CNTN4: variants seen among roughly 807,000 people sequenced by gnomAD.
The protein encoded by CNTN4 is contactin-4.
In CNTN4, 77 loss-of-function variants were observed where a neutral mutation model predicts 122.5. The ratio of observed to expected loss-of-function variants is 0.63; its 90% CI spans 0.52 to 0.76. CNTN4 has a LOEUF of 0.76. Ranked by LOEUF, CNTN4 falls within the 30% of genes least tolerant of loss-of-function variation. The probability of loss-of-function intolerance (pLI) is 0.00; values close to 1 mark genes in which losing one functional copy is unlikely to be tolerated. For synonymous variants in CNTN4, 512 were observed against 447.0 expected (o/e 1.15, Z -1.83); for missense variants, 1,256 against 1,259.1 (o/e 1.00, Z 0.04).
intron 2 of CNTN4, among the ~76,000 whole-genome samples, chr3:2,253,931 G>A (rs1429857557): frequency 3.3e-5 from 5 of 151,950 alleles, no homozygotes; most frequent in Non-Finnish European, 7.4e-5. Flanking sequence ...GGATACATGT[G>A]CAGAACATGC....
At chr3:2,519,329 T>A (rs1459766467) in intron 3 of CNTN4, among the ~76,000 whole-genome samples, 1 of 152,084 alleles carries the variant, frequency 6.6e-6, no homozygotes, top group Non-Finnish European at 1.5e-5. Flanking sequence ...ACAAGGAAAA[T>A]GGTGACATTC....
chr3:3,004,989 T>C (rs1399545765), intron 14 of CNTN4, among the ~76,000 whole-genome samples: 1 of 152,240 alleles, frequency 6.6e-6, no homozygotes, highest in Non-Finnish European at 1.5e-5. Context: ...GCCCTGATGA[T>C]CTCTGAATCA....
chr3:2,263,238 T>G (rs1252820908), intron 2 of CNTN4, among the ~76,000 whole-genome samples: 1 of 152,156 alleles, frequency 6.6e-6, no homozygotes, highest in Non-Finnish European at 1.5e-5. Context: ...GTGAACTACA[T>G]GTGGGCAAGG....
chr3:2,975,416 T>C (rs1693329291), intron 13 of CNTN4, among the ~76,000 whole-genome samples: 1 of 152,200 alleles, frequency 6.6e-6, no homozygotes. Flanking sequence ...ATGTTTTAAT[T>C]TACTCCTCTG....
At chr3:2,943,343 T>C (rs1577352133) in intron 13 of CNTN4, among the ~76,000 whole-genome samples, 1 of 152,080 alleles carries the variant, frequency 6.6e-6, no homozygotes, top group African/African-American at 2.4e-5. Flanking sequence ...CAATATAGCA[T>C]AACAGCATGA....
intron 12 of CNTN4, among the ~76,000 whole-genome samples, chr3:2,921,425 G>A (rs1277663535): frequency 1.3e-4 from 20 of 152,200 alleles, no homozygotes; most frequent in Admixed American, 1.2e-3. Flanking sequence ...TTTCTAGATA[G>A]CAATCCAACA....
In CNTN4 at chr3:2,853,726, C is replaced by G. The variant is rs185891529; in HGVS notation, c.455-13026C>G. 1.6e-4 allele frequency among the ~76,000 whole-genome samples: 24 copies of G among 152,292 alleles called. No homozygotes were observed. The East Asian group carries it at 3.9e-3, about 24-fold the overall frequency. On this transcript the variant is annotated intron_variant, in intron 7 of 24. Transcript: ENST00000418658. ...GACATGAGCATGGACACTTTGCGCT[C>G]GCTCTCTGTTTTGGCGTCTTGAAAC...
chr3:2,677,438 A>G (rs555183165), intron 4 of CNTN4, among the ~76,000 whole-genome samples: 1 of 150,362 alleles, frequency 6.7e-6, no homozygotes, highest in South Asian at 2.1e-4. Context: ...CTATGTATCT[A>G]TACATAGATA....
intron 6 of CNTN4, among the ~76,000 whole-genome samples, chr3:2,798,366 A>ATCTATCTACCTATCTATCTATCTATCT (rs57013365): frequency 8.1e-5 from 11 of 135,372 alleles, no homozygotes; most frequent in South Asian, 2.5e-4. Flanking sequence ...TACACACATA[A>ATCTATCTACCTATCTATCTATCTATCT]ATCTATCTAT....
intron 2 of CNTN4, among the ~76,000 whole-genome samples, chr3:2,189,311 C>T (rs752976947): frequency 5.9e-4 from 89 of 152,036 alleles, no homozygotes; most frequent in Non-Finnish European, 1.1e-3. Flanking sequence ...AGTCCTTCAC[C>T]GATGCCTGCC....
Position 2,709,412 on chromosome 3 carries a change from A to T in CNTN4, c.56-26803A>T, listed in dbSNP as rs182165278. On this transcript the variant is annotated intron_variant, in intron 4 of 24. Coordinates refer to ENST00000418658, the MANE Select transcript of CNTN4 (RefSeq NM_175607.3). This position sits in a 1 kb window ranked among gnomAD's most constrained non-coding sequence, Gnocchi z 5.0. Reference sequence around the variant, plus strand: ...TGATTGGTAAGGGTACAACCTGTGCACCAGGGATTTTCAAAGTTCCCTCAG... The same window carrying T: ...TGATTGGTAAGGGTACAACCTGTGCTCCAGGGATTTTCAAAGTTCCCTCAG... Among the ~76,000 whole-genome samples, 65 of 152,128 alleles carry T rather than the reference A, an allele frequency of 4.3e-4. No homozygotes were observed. The East Asian group carries it at 9.5e-3, about 22-fold the overall frequency.
At chr3:2,982,140 T>C (rs566890573) in intron 13 of CNTN4, among the ~76,000 whole-genome samples, 1 of 152,324 alleles carries the variant, frequency 6.6e-6, no homozygotes, top group East Asian at 1.9e-4. Flanking sequence ...GTGATACAGC[T>C]GTGTATGAAG....
intron 3 of CNTN4, among the ~76,000 whole-genome samples, chr3:2,510,705 A>G (rs2076862240): frequency 6.6e-6 from 1 of 152,194 alleles, no homozygotes; most frequent in African/African-American, 2.4e-5. Context: ...CAAGGTTTTG[A>G]TAAAGCGCAG....
intron 2 of CNTN4, among the ~76,000 whole-genome samples, chr3:2,216,240 A>G (rs936044061): frequency 2.0e-5 from 3 of 152,204 alleles, no homozygotes; most frequent in African/African-American, 7.2e-5. Context: ...TTGTGGCATC[A>G]TGGATGGAGC....
At chr3:2,418,494 T>C (rs1343659250) in intron 3 of CNTN4, among the ~76,000 whole-genome samples, 3 of 152,168 alleles carry the variant, frequency 2.0e-5, no homozygotes, top group Admixed American at 1.3e-4. Flanking sequence ...TTAGATACAA[T>C]AGAATTTGCC....
At chr3:2,820,911 CT>C (rs1454855460) in intron 7 of CNTN4, among the ~76,000 whole-genome samples, 3 of 146,978 alleles carry the variant, frequency 2.0e-5, no homozygotes, top group Admixed American at 6.9e-5. Flanking sequence ...GAAAACCCAG[CT>C]CATAATGTTC....
intron 3 of CNTN4, among the ~76,000 whole-genome samples, chr3:2,549,734 CCTT>C (rs1229035765): frequency 6.6e-6 from 1 of 152,098 alleles, no homozygotes; most frequent in East Asian, 1.9e-4. Context: ...AGGGAGGAGT[CCTT>C]CTTTTTCTGT....
intron 7 of CNTN4, among the ~76,000 whole-genome samples, chr3:2,827,657 A>G (rs1393048452): frequency 1.3e-5 from 2 of 152,218 alleles, no homozygotes; most frequent in Non-Finnish European, 2.9e-5. Context: ...ACATTTGAAA[A>G]TTGCTATTAA....
chr3:2,334,510 A>G (rs879529761), intron 2 of CNTN4, among the ~76,000 whole-genome samples: 4 of 152,196 alleles, frequency 2.6e-5, no homozygotes, highest in East Asian at 3.8e-4. Flanking sequence ...GCCCTGTCTT[A>G]CAGATGATAA....
Sources: allele counts gnomAD v4.1 joint callset (sites outside exome capture counted in the v4.1 genomes callset), GRCh38; gene constraint gnomAD v4.1.1; non-coding constraint Gnocchi (gnomAD v3.1); transcripts MANE v1.5; gene names NCBI Gene and HGNC (gene_info 2026-07-23, HGNC 2026-07-21).